Variants in LMBR1 observed in about 807,000 individuals in gnomAD.
The protein encoded by LMBR1 is limb development membrane protein 1.
LMBR1 carries 52 observed loss-of-function variants against 73.9 expected under a neutral mutation model. The ratio of observed to expected loss-of-function variants is 0.70; its 90% CI spans 0.56 to 0.89. The LOEUF (loss-of-function observed/expected upper bound fraction) is 0.89, where lower values mean the gene tolerates loss of function less well. Among genes scored for constraint, LMBR1 ranks in the 40% least tolerant of loss-of-function variants. The pLI is 0.00. For synonymous variants in LMBR1, 215 were observed against 209.4 expected, an observed-to-expected ratio of 1.03 and a Z score of -0.23; for missense variants, 539 against 579.8, an observed-to-expected ratio of 0.93 and a Z score of 0.72.
At chr7:156,767,210 C>T (rs1430312539) in intron 5 of LMBR1, among the ~76,000 whole-genome samples, 2 of 152,114 alleles carry the variant, frequency 1.3e-5, no homozygotes, top group African/African-American at 2.4e-5. Flanking sequence ...AGGAAGCAGA[C>T]GGACTCAAAC....
At chr7:156,705,800 G>C (rs1810799476) in intron 15 of LMBR1, among the ~76,000 whole-genome samples, 1 of 152,096 alleles carries the variant, frequency 6.6e-6, no homozygotes, top group Non-Finnish European at 1.5e-5. Context: ...AAAGGAGAAA[G>C]AGAAGGGAAT....
chr7:156,854,606 A>C (rs558103484), intron 1 of LMBR1, among the ~76,000 whole-genome samples: 1 of 152,208 alleles, frequency 6.6e-6, no homozygotes, highest in African/African-American at 2.4e-5. Context: ...ATCAGAGCCT[A>C]ATCAACCTGG....
At chr7:156,856,282 G>A (rs1397426929) in intron 1 of LMBR1, among the ~76,000 whole-genome samples, 1 of 152,164 alleles carries the variant, frequency 6.6e-6, no homozygotes, top group African/African-American at 2.4e-5. Context: ...GGAATTTGTT[G>A]CCAATAGACT....
chr7:156,733,696 T>C (rs1026339629), intron 10 of LMBR1, among the ~76,000 whole-genome samples: 3 of 151,750 alleles, frequency 2.0e-5, no homozygotes, highest in African/African-American at 7.3e-5. Context: ...AAGGGAAGCA[T>C]GAGGGGAAAA....
At chr7:156,876,191 C>T (rs569850598) in intron 1 of LMBR1, among the ~76,000 whole-genome samples, 2 of 152,254 alleles carry the variant, frequency 1.3e-5, no homozygotes, top group Middle Eastern at 3.4e-3. Flanking sequence ...ACAAAACAGA[C>T]TTCAAAGCAA....
At chr7:156,768,272 G>A (rs186364971) in intron 5 of LMBR1, among the ~76,000 whole-genome samples, 8 of 151,892 alleles carry the variant, frequency 5.3e-5, no homozygotes, top group Non-Finnish European at 7.4e-5. Context: ...CAGGAGAATC[G>A]CTTGAACCTG....
At chr7:156,816,204 T>C (rs1778832490) in intron 4 of LMBR1, among the ~76,000 whole-genome samples, 1 of 152,156 alleles carries the variant, frequency 6.6e-6, no homozygotes, top group Non-Finnish European at 1.5e-5. Context: ...TCTTTCTTCC[T>C]TTTTTCTTTT....
intron 1 of LMBR1, chr7:156,892,493 G>A (rs954830845): frequency 6.5e-6 from 1 of 154,234 alleles, no homozygotes; most frequent in African/African-American, 2.4e-5. Context: ...GGAGCGCGGG[G>A]GCGCGCACTG....
intron 8 of LMBR1, among the ~76,000 whole-genome samples, chr7:156,757,827 C>A (rs1162344713): frequency 6.6e-6 from 1 of 152,140 alleles, no homozygotes. Flanking sequence ...CCAATAATTC[C>A]CAGCCTTTCA....
intron 9 of LMBR1, among the ~76,000 whole-genome samples, chr7:156,746,730 G>GT (rs1317851868): frequency 6.6e-6 from 1 of 152,148 alleles, no homozygotes; most frequent in Non-Finnish European, 1.5e-5. Flanking sequence ...AGGGAGAAAT[G>GT]TAAGCTTTTT....
At chr7:156,839,815 G>C (rs1156942161) in intron 1 of LMBR1, among the ~76,000 whole-genome samples, 1 of 152,252 alleles carries the variant, frequency 6.6e-6, no homozygotes, top group Non-Finnish European at 1.5e-5. Context: ...CCACGTACCT[G>C]TTGGGAACAC....
chr7:156,681,209 G>T lies in LMBR1; in HGVS notation c.*2869C>A, dbSNP rs1260118286. 2.2e-6 allele frequency: 1 copy of T among 452,890 alleles called. No individual in the cohort carries two copies. The highest frequency in any genetic ancestry group is 7.0e-5 in the East Asian group (1 of 14,306). The allele number at this position is 452,890 out of a possible 1,614,324, so 28.1% of individuals were successfully genotyped here. On this transcript the variant is annotated 3_prime_UTR_variant, in exon 17 of 17. Coordinates refer to ENST00000353442, the MANE Select transcript of LMBR1 (RefSeq NM_022458.4). ...CCCTGGCAGACGAGGTCATCACTGA[G>T]GCTGCAGGGAGGGCCATGGGCACCC... is the stretch of plus-strand genomic sequence containing the variant.
chr7:156,778,816 G>A (rs1826605776), intron 5 of LMBR1, among the ~76,000 whole-genome samples: 1 of 152,110 alleles, frequency 6.6e-6, no homozygotes, highest in African/African-American at 2.4e-5. Context: ...AGCATTGTGA[G>A]CACTTTTATC....
chr7:156,842,840 G>A (rs1452185389), intron 1 of LMBR1, among the ~76,000 whole-genome samples: 1 of 152,134 alleles, frequency 6.6e-6, no homozygotes, highest in Non-Finnish European at 1.5e-5. Flanking sequence ...AGATGCTGAG[G>A]CAGATGCAGG....
At chr7:156,804,808 TAACA>T (rs2133500169) in intron 4 of LMBR1, among the ~76,000 whole-genome samples, 3 of 131,690 alleles carry the variant, frequency 2.3e-5, no homozygotes, top group East Asian at 5.2e-4. Flanking sequence ...TTTATTCTCT[TAACA>T]GTATCTTTAA....
intron 5 of LMBR1, among the ~76,000 whole-genome samples, chr7:156,764,647 T>G (rs1823754410): frequency 6.6e-6 from 1 of 152,234 alleles, no homozygotes; most frequent in Admixed American, 6.5e-5. Context: ...ACATCCATAT[T>G]TCTCAATAAA....
chr7:156,892,786 G>C, intron 1 of LMBR1, 142 bp downstream of exon 1: 1 of 429,854 alleles, frequency 2.3e-6, no homozygotes, highest in Non-Finnish European at 4.0e-6. Context: ...GAGGGGTGGG[G>C]AGGGAGAGCG....
chr7:156,886,904 G>C (rs1202271831), intron 1 of LMBR1, among the ~76,000 whole-genome samples: 1 of 152,080 alleles, frequency 6.6e-6, no homozygotes, highest in Admixed American at 6.5e-5. Flanking sequence ...CAAAAGGGAG[G>C]GGGTATACTG....
chr7:156,804,557 AG>A (rs1831649922), intron 4 of LMBR1, among the ~76,000 whole-genome samples: 1 of 152,252 alleles, frequency 6.6e-6, no homozygotes, highest in African/African-American at 2.4e-5. Flanking sequence ...GCAGGTACAC[AG>A]GAATATCTTA....
Sources: gnomAD v4.1 joint callset for allele counts (sites outside exome capture counted in the v4.1 genomes callset) on GRCh38, gnomAD v4.1.1 for gene constraint, MANE v1.5 for transcripts, NCBI Gene and HGNC (gene_info 2026-07-23, HGNC 2026-07-21) for gene names.